Variants in FNBP1L observed in about 807,000 individuals in gnomAD.
FNBP1L encodes formin-binding protein 1-like.
Under a neutral mutation model 91.2 loss-of-function variants are expected in FNBP1L, and 36 were observed. That is an observed-to-expected ratio of 0.39 (90% CI 0.30 to 0.52). The LOEUF is 0.52. Ranked by LOEUF, FNBP1L falls within the 20% of genes least tolerant of loss-of-function variation. The pLI, the probability that FNBP1L is intolerant of heterozygous loss-of-function variation, is 0.66. For synonymous variants in FNBP1L, 242 were observed against 237.0 expected (o/e 1.02, Z -0.19); for missense variants, 571 against 732.1 (o/e 0.78, Z 2.54).
intron 2 of FNBP1L, among the ~76,000 whole-genome samples, chr1:93,517,428 G>A (rs950990511): frequency 6.6e-6 from 1 of 152,060 alleles, no homozygotes; most frequent in African/African-American, 2.4e-5. Context: ...CTGGCCCCAA[G>A]GGATCCTCCC....
Position 93,526,672 on chromosome 1 carries a change from G to A in FNBP1L, c.405+2349G>A, listed in dbSNP as rs1671505266. Among the ~76,000 whole-genome samples the A allele has an allele frequency of 2.0e-5, 3 of 152,152 alleles. No individual in the cohort carries two copies. In the South Asian group the frequency reaches 6.2e-4, roughly 31 times the overall value. ...GCTAAGCAAGAGTAGGGGAGTAGAA[G>A]TGGCTGTACTTCGTCTGCCACACCA... On this transcript the variant is annotated intron_variant, in intron 5 of 16. Transcript: ENST00000271234.
chr1:93,448,930 G>A (rs1252372286), intron 1 of FNBP1L, among the ~76,000 whole-genome samples: 2 of 152,226 alleles, frequency 1.3e-5, no homozygotes, highest in Admixed American at 1.3e-4. Context: ...TGCTTCGGGC[G>A]GGCACAGCTT....
intron 10 of FNBP1L, among the ~76,000 whole-genome samples, chr1:93,539,825 C>T (rs767219653): frequency 2.6e-5 from 4 of 151,926 alleles, no homozygotes; most frequent in Non-Finnish European, 4.4e-5. Flanking sequence ...TAATTTGGAA[C>T]GATAATGCAT....
chr1:93,465,068 C>T (rs960629019), intron 1 of FNBP1L, among the ~76,000 whole-genome samples: 6 of 151,912 alleles, frequency 3.9e-5, no homozygotes, highest in Non-Finnish European at 8.8e-5. Flanking sequence ...TCCTCTCAAA[C>T]TAAGGCTGAG....
chr1:93,498,549 G>T (rs767174939), intron 1 of FNBP1L, among the ~76,000 whole-genome samples: 1 of 152,174 alleles, frequency 6.6e-6, no homozygotes, highest in African/African-American at 2.4e-5. Flanking sequence ...TGTAAATAAC[G>T]TGACTAAACC....
chr1:93,458,104 CTTATA>C (rs1197194763), intron 1 of FNBP1L, among the ~76,000 whole-genome samples: 2 of 150,594 alleles, frequency 1.3e-5, no homozygotes, highest in Admixed American at 6.6e-5. Context: ...ACAGGAATTT[CTTATA>C]TTAAGTTTTT....
At chr1:93,460,864 G>A (rs1324526549) in intron 1 of FNBP1L, among the ~76,000 whole-genome samples, 2 of 152,168 alleles carry the variant, frequency 1.3e-5, no homozygotes, top group East Asian at 3.8e-4. Flanking sequence ...TGTACATCAT[G>A]CTGACTACAG....
rs990514963 is a variant in FNBP1L at position 93,544,589 on chromosome 1, C to T, written c.1274+373C>T. Among the ~76,000 whole-genome samples the T allele has an allele frequency of 2.6e-5, 4 of 152,176 alleles. No homozygotes were observed. In the East Asian group the frequency reaches 5.8e-4, roughly 22 times the overall value. ...ATTTTGTAGCAAAACATTTGGCAAACGGTGCTTGATTACTGACGGCTTCAT... is the reference window on the plus strand; with the variant it reads ...ATTTTGTAGCAAAACATTTGGCAAATGGTGCTTGATTACTGACGGCTTCAT... On this transcript the variant is annotated intron_variant, in intron 12 of 16. Coordinates refer to ENST00000271234, the MANE Select transcript of FNBP1L (RefSeq NM_001164473.3).
intron 1 of FNBP1L, among the ~76,000 whole-genome samples, chr1:93,472,100 T>A (rs1435461390): frequency 6.6e-6 from 1 of 152,196 alleles, no homozygotes. Context: ...TTGAATCAGA[T>A]CTCTGGAATG....
intron 8 of FNBP1L, among the ~76,000 whole-genome samples, chr1:93,534,146 T>G (rs964097176): frequency 5.3e-5 from 8 of 152,196 alleles, no homozygotes; most frequent in African/African-American, 1.9e-4. Context: ...CAGTAGTGTT[T>G]ATGAGATCTT....
At chr1:93,499,860 G>A (rs1044811423) in intron 2 of FNBP1L, among the ~76,000 whole-genome samples, 18 of 152,140 alleles carry the variant, frequency 1.2e-4, no homozygotes, top group African/African-American at 3.9e-4. Context: ...AAATATCTGC[G>A]TGTTATTCTG....
intron 1 of FNBP1L, among the ~76,000 whole-genome samples, chr1:93,464,959 T>G (rs1335732907): frequency 1.3e-5 from 2 of 152,070 alleles, no homozygotes; most frequent in African/African-American, 2.4e-5. Flanking sequence ...AATTTTGACT[T>G]GGGGGTTTCT....
chr1:93,457,189 A>G (rs1416281617), intron 1 of FNBP1L, among the ~76,000 whole-genome samples: 4 of 152,116 alleles, frequency 2.6e-5, no homozygotes, highest in African/African-American at 4.8e-5. Context: ...CTGACCTCCA[A>G]CCACTATTCT....
intron 2 of FNBP1L, among the ~76,000 whole-genome samples, chr1:93,516,672 G>C (rs1671130314): frequency 6.6e-6 from 1 of 152,010 alleles, no homozygotes; most frequent in Admixed American, 6.5e-5. Flanking sequence ...TGGGCGTGGT[G>C]GTGGGCACCT....
At chr1:93,531,374 A>G (rs1482507148) in intron 7 of FNBP1L, among the ~76,000 whole-genome samples, 1 of 152,230 alleles carries the variant, frequency 6.6e-6, no homozygotes, top group Non-Finnish European at 1.5e-5. Flanking sequence ...CCTGTCTGTC[A>G]TCACTTGATG....
At chr1:93,481,288 A>T (rs1228946664) in intron 1 of FNBP1L, among the ~76,000 whole-genome samples, 1 of 152,124 alleles carries the variant, frequency 6.6e-6, no homozygotes, top group Admixed American at 6.6e-5. Flanking sequence ...CATTTGTTGC[A>T]TACTATTCCT....
At chr1:93,448,350 G>A (rs1263667781) in intron 1 of FNBP1L, 45 bp downstream of exon 1, 1 of 1,474,518 alleles carries the variant, frequency 6.8e-7, no homozygotes, top group Non-Finnish European at 8.9e-7. Context: ...CGGCCCCTGA[G>A]AAGCGCGGGT....
chr1:93,479,063 T>A (rs1386441484), intron 1 of FNBP1L, among the ~76,000 whole-genome samples: 2 of 152,254 alleles, frequency 1.3e-5, no homozygotes, highest in African/African-American at 4.8e-5. Flanking sequence ...CAACGTAGGT[T>A]CTTTCTATTT....
At chr1:93,529,399 A>C (rs1478315761) in intron 5 of FNBP1L, among the ~76,000 whole-genome samples, 1 of 152,120 alleles carries the variant, frequency 6.6e-6, no homozygotes, top group African/African-American at 2.4e-5. Context: ...TCATTTCCAC[A>C]CAATACACAG....
Sources: allele counts gnomAD v4.1 joint callset (sites outside exome capture counted in the v4.1 genomes callset), GRCh38; gene constraint gnomAD v4.1.1; transcripts MANE v1.5; gene names NCBI Gene and HGNC (gene_info 2026-07-23, HGNC 2026-07-21).